The following ARHGAP25 variants were observed in gnomAD, a reference collection of about 807,000 sequenced individuals.
ARHGAP25 encodes the protein Rho GTPase activating protein 25.
Under a neutral mutation model 71.0 loss-of-function variants are expected in ARHGAP25, and 34 were observed. The ratio of observed to expected loss-of-function variants is 0.48; its 90% CI spans 0.36 to 0.64. The LOEUF is 0.64. Among genes scored for constraint, ARHGAP25 ranks in the 30% least tolerant of loss-of-function variants. The pLI is 0.00. For missense variants in ARHGAP25, 706 were observed against 805.1 expected, an observed-to-expected ratio of 0.88 and a Z score of 1.49; for synonymous variants, 282 against 296.5, an observed-to-expected ratio of 0.95 and a Z score of 0.50.
chr2:68,734,358 T>A (rs1675106303), upstream of ARHGAP25, among the ~76,000 whole-genome samples: 1 of 152,142 alleles, frequency 6.6e-6, no homozygotes, highest in East Asian at 1.9e-4. Context: ...GATATGTGAG[T>A]GGGTCGACCT....
chr2:68,799,209 G>C (rs1266827600), intron 4 of ARHGAP25, among the ~76,000 whole-genome samples: 1 of 152,188 alleles, frequency 6.6e-6, no homozygotes, highest in African/African-American at 2.4e-5. Flanking sequence ...AGATGAGTCC[G>C]TGATTCCTGG....
intron 10 of ARHGAP25, 130 bp from the exon 11 acceptor site, chr2:68,825,857 A>G: frequency 2.8e-6 from 2 of 710,398 alleles, no homozygotes; most frequent in South Asian, 3.9e-5. Context: ...GGGAAGAGGG[A>G]CATAGCTGAG....
intron 2 of ARHGAP25, among the ~76,000 whole-genome samples, chr2:68,716,532 A>G (rs1025439445): frequency 5.7e-4 from 87 of 152,288 alleles, no homozygotes; most frequent in African/African-American, 1.9e-3. Flanking sequence ...CCTAGATTAT[A>G]TCTATCCTTC....
At chr2:68,717,028 G>C (rs1674627127) in intron 2 of ARHGAP25, among the ~76,000 whole-genome samples, 1 of 152,156 alleles carries the variant, frequency 6.6e-6, no homozygotes, top group African/African-American at 2.4e-5. Flanking sequence ...GTTGTTAGGT[G>C]ATTTCAGGTG....
intron 4 of ARHGAP25, among the ~76,000 whole-genome samples, chr2:68,801,712 A>G (rs1465398199): frequency 1.3e-5 from 2 of 152,198 alleles, no homozygotes; most frequent in African/African-American, 4.8e-5. Context: ...TGAGGGGTCC[A>G]CAGTCCAGTG....
chr2:68,803,794 T>C (rs1300616953), intron 4 of ARHGAP25, among the ~76,000 whole-genome samples: 1 of 151,476 alleles, frequency 6.6e-6, no homozygotes, highest in Non-Finnish European at 1.5e-5. Context: ...ATGAGGGAGT[T>C]CACTCGTAAC....
chr2:68,730,055 G>A (rs1469303067), upstream of ARHGAP25, among the ~76,000 whole-genome samples: 1 of 152,058 alleles, frequency 6.6e-6, no homozygotes, highest in African/African-American at 2.4e-5. Context: ...ATGATGTTTT[G>A]GAAAAATGCT....
At chr2:68,805,734 CT>C (rs2104440687) in intron 4 of ARHGAP25, among the ~76,000 whole-genome samples, 1 of 152,150 alleles carries the variant, frequency 6.6e-6, no homozygotes, top group East Asian at 1.9e-4. Flanking sequence ...TGGTACAGCT[CT>C]ATACAGGTGG....
At chr2:68,744,630 T>G (rs1407158029) in intron 1 of ARHGAP25, among the ~76,000 whole-genome samples, 2 of 152,198 alleles carry the variant, frequency 1.3e-5, no homozygotes, top group African/African-American at 4.8e-5. Flanking sequence ...TTGCCCCACT[T>G]GAGCCATAGC....
chr2:68,808,516 G>A (rs1223082288), intron 5 of ARHGAP25, among the ~76,000 whole-genome samples: 2 of 152,278 alleles, frequency 1.3e-5, no homozygotes, highest in East Asian at 3.9e-4. Flanking sequence ...GACAACCATA[G>A]GGGTGTCTTT....
intron 1 of ARHGAP25, among the ~76,000 whole-genome samples, chr2:68,750,513 G>A (rs4496358): frequency 0.84 from 127,812 of 151,906 alleles, 53,939 homozygotes; most frequent in Non-Finnish European, 0.86. Flanking sequence ...TAGAGACTGG[G>A]TTTTGCTATG....
chr2:68,720,497 G>A (rs1453119620), intron 2 of ARHGAP25, among the ~76,000 whole-genome samples: 4 of 152,044 alleles, frequency 2.6e-5, no homozygotes, highest in Admixed American at 1.3e-4. Flanking sequence ...ATGCATAATG[G>A]CTGCAGTCTG....
intron 4 of ARHGAP25, among the ~76,000 whole-genome samples, chr2:68,800,461 C>CTGTGGTTGT (rs1679885240): frequency 6.6e-6 from 1 of 151,964 alleles, no homozygotes; most frequent in African/African-American, 2.4e-5. Context: ...GTAGTGAGGC[C>CTGTGGTTGT]TCACCCTTCT....
chr2:68,748,117 C>T (rs1268925371), intron 1 of ARHGAP25, among the ~76,000 whole-genome samples: 1 of 152,170 alleles, frequency 6.6e-6, no homozygotes, highest in African/African-American at 2.4e-5. Flanking sequence ...CCTCTGTCTC[C>T]ACCCACCTGT....
intron 1 of ARHGAP25, among the ~76,000 whole-genome samples, chr2:68,752,863 A>G (rs1201785474): frequency 1.3e-5 from 2 of 152,180 alleles, no homozygotes; most frequent in African/African-American, 4.8e-5. Context: ...TATACATAGT[A>G]TATATACAAA....
In ARHGAP25 at chr2:68,775,333, C is replaced by T. The variant is rs759612217; in HGVS notation, c.174C>T (p.Ser58=). Residue 58 remains serine, a synonymous_variant, in exon 2 of 11, where the codon TCC becomes TCT. Transcript: ENST00000409202. ...TGGGCTGGCTGAAGAAGCAGAGGTC[C>T]ATCGTGAAGAACTGGCAGCAGAGGT... ...IKMGWLKKQR[S]IVKNWQQRYF... 2 of 1,614,252 alleles carry T rather than the reference C, an allele frequency of 1.2e-6. No homozygotes were observed. The highest frequency in any genetic ancestry group is 1.7e-6 in the Non-Finnish European group (2 of 1,180,056).
intron 1 of ARHGAP25, among the ~76,000 whole-genome samples, chr2:68,761,669 C>A (rs1026927527): frequency 2.6e-5 from 4 of 152,010 alleles, no homozygotes; most frequent in African/African-American, 7.2e-5. Context: ...AAATGCAACA[C>A]GAACTACAGC....
chr2:68,742,649 G>A (rs1257817563), intron 1 of ARHGAP25, among the ~76,000 whole-genome samples: 1 of 152,212 alleles, frequency 6.6e-6, no homozygotes, highest in Non-Finnish European at 1.5e-5. Context: ...CTATAATGGA[G>A]ATCTGATATC....
intron 1 of ARHGAP25, among the ~76,000 whole-genome samples, chr2:68,771,769 T>C (rs1677504451): frequency 6.6e-6 from 1 of 152,200 alleles, no homozygotes; most frequent in South Asian, 2.1e-4. Context: ...CTCTAACTTA[T>C]AACAGGTGGC....
Sources: allele counts gnomAD v4.1 joint callset (sites outside exome capture counted in the v4.1 genomes callset), GRCh38; gene constraint gnomAD v4.1.1; transcripts MANE v1.5; gene names NCBI Gene and HGNC (gene_info 2026-07-23, HGNC 2026-07-21).